Variants in NLGN1 observed in about 807,000 individuals in gnomAD.
NLGN1 encodes the protein neuroligin 1, also known as neuroligin-1.
In NLGN1, 12 loss-of-function variants were observed where a neutral mutation model predicts 65.5. The ratio of observed to expected loss-of-function variants is 0.18; its 90% CI spans 0.12 to 0.30. NLGN1 has a LOEUF of 0.30. Ranked by LOEUF, NLGN1 falls within the 10% of genes least tolerant of loss-of-function variation. NLGN1 has a pLI of 1.00. For missense variants in NLGN1, 750 were observed against 1,007.1 expected, an observed-to-expected ratio of 0.74 and a Z score of 3.46; for synonymous variants, 350 against 359.5, an observed-to-expected ratio of 0.97 and a Z score of 0.30.
At chr3:173,922,535 A>T (rs888756245) in intron 4 of NLGN1, among the ~76,000 whole-genome samples, 2 of 152,162 alleles carry the variant, frequency 1.3e-5, no homozygotes, top group Non-Finnish European at 2.9e-5. Context: ...TTATACTTTC[A>T]TAAAATTATT....
chr3:173,857,440 CT>C (rs1728213987), intron 4 of NLGN1, among the ~76,000 whole-genome samples: 1 of 152,130 alleles, frequency 6.6e-6, no homozygotes, highest in Admixed American at 6.6e-5. Context: ...TTATCACTTT[CT>C]TTTTTCAAAA....
At chr3:173,860,925 A>G (rs1427023226) in intron 4 of NLGN1, among the ~76,000 whole-genome samples, 1 of 152,216 alleles carries the variant, frequency 6.6e-6, no homozygotes, top group Non-Finnish European at 1.5e-5. Context: ...TGTGGGGGAC[A>G]GATGTATGAG....
chr3:173,425,918 T>A (rs1302886254), intron 1 of NLGN1, among the ~76,000 whole-genome samples: 1 of 152,180 alleles, frequency 6.6e-6, no homozygotes, highest in Non-Finnish European at 1.5e-5. Context: ...TAGATCACTT[T>A]GGGTAGTATG....
Position 174,280,588 on chromosome 3 carries a change from T to C in NLGN1, c.1757T>C (p.Leu586Pro). The C allele has an allele frequency of 6.2e-7, 1 of 1,613,146 alleles. No individual in the cohort carries two copies. The highest frequency in any genetic ancestry group is 8.5e-7 in the Non-Finnish European group (1 of 1,179,452). ...TATTCCCAGAAAGACCAACTTTATC[T>C]CCATATTGGATTAAAACCAAGAGTT... Residue 586 changes from leucine to proline, a missense_variant, in exon 7 of 7, where the codon CTC becomes CCC. Physicochemically the swap from Leu to Pro is moderately conservative, Grantham distance 98. Transcript: ENST00000457714. The surrounding 1 kb of genome is among the most constrained non-coding windows in gnomAD (Gnocchi z 4.9).
intron 2 of NLGN1, among the ~76,000 whole-genome samples, chr3:173,440,952 T>C (rs1241686448): frequency 6.6e-6 from 1 of 152,188 alleles, no homozygotes. Context: ...CATTGAAAAT[T>C]TGTTGCTTTC....
chr3:173,497,559 T>G (rs905284384), intron 2 of NLGN1, among the ~76,000 whole-genome samples: 3 of 151,800 alleles, frequency 2.0e-5, no homozygotes, highest in Non-Finnish European at 4.4e-5. Context: ...CATAGCATAA[T>G]TTTAAGAGCA....
chr3:174,055,435 C>T (rs1325082176), intron 4 of NLGN1, among the ~76,000 whole-genome samples: 1 of 151,912 alleles, frequency 6.6e-6, no homozygotes, highest in South Asian at 2.1e-4. Context: ...AAAAGGGCAC[C>T]GAATTGTGAT....
At chr3:173,942,178 TATATATATATACACATGTGC>T (rs1746267478) in intron 4 of NLGN1, among the ~76,000 whole-genome samples, 1 of 149,472 alleles carries the variant, frequency 6.7e-6, no homozygotes, top group Non-Finnish European at 1.5e-5. Context: ...ATAATATGTG[TATATATATATACACATGTGC>T]ATATATACAT....
At chr3:174,283,569 T>C (rs1751783784) in exon 7 of NLGN1, 1 of 151,438 alleles carries the variant, frequency 6.6e-6, no homozygotes, top group Non-Finnish European at 1.5e-5. Context: ...AAAGTTGCCA[T>C]GCTAAGAGAA....
chr3:173,782,243 TACA>T (rs1781291565), intron 3 of NLGN1, among the ~76,000 whole-genome samples: 1 of 152,078 alleles, frequency 6.6e-6, no homozygotes, highest in Non-Finnish European at 1.5e-5. Context: ...ACATAATACA[TACA>T]ACACCTCACA....
At chr3:173,738,574 T>C (rs1774134272) in intron 3 of NLGN1, among the ~76,000 whole-genome samples, 1 of 152,142 alleles carries the variant, frequency 6.6e-6, no homozygotes, top group African/African-American at 2.4e-5. Context: ...GTATTTCTAG[T>C]TTCTTGATTC....
chr3:173,581,981 C>G (rs929485385), intron 2 of NLGN1, among the ~76,000 whole-genome samples: 44 of 151,862 alleles, frequency 2.9e-4, no homozygotes, highest in African/African-American at 9.2e-4. Flanking sequence ...TAACCTCTAC[C>G]CTGAATATCA....
rs763264352 is a variant in NLGN1 at position 173,604,554 on chromosome 3, G to A, written c.-45G>A. 20 of 1,596,476 alleles carry A rather than the reference G, an allele frequency of 1.3e-5. No individual in the cohort carries two copies. The East Asian group carries it at 1.6e-4, about 13-fold the overall frequency. ...GTCTTTCTCAAGTGGATATAAATAC[G>A]TTTGCCTCACTGTAACCAGACAACT... is the stretch of plus-strand genomic sequence containing the variant. On this transcript the variant is annotated 5_prime_UTR_variant, in exon 3 of 7. Coordinates refer to ENST00000457714, the Ensembl canonical transcript of NLGN1.
chr3:174,060,706 T>A (rs558432889), intron 4 of NLGN1, among the ~76,000 whole-genome samples: 1 of 152,082 alleles, frequency 6.6e-6, no homozygotes, highest in Non-Finnish European at 1.5e-5. Flanking sequence ...CCTCAACTTA[T>A]GTTACAATGA....
intron 2 of NLGN1, among the ~76,000 whole-genome samples, chr3:173,589,916 T>C (rs1748176072): frequency 6.6e-6 from 1 of 152,210 alleles, no homozygotes; most frequent in African/African-American, 2.4e-5. Context: ...TACTCTCATA[T>C]TGTCATATGG....
chr3:174,283,288 C>T (rs1436625764), exon 7 of NLGN1: 1 of 151,206 alleles, frequency 6.6e-6, no homozygotes, highest in Non-Finnish European at 1.5e-5. Context: ...TAAGATGAAA[C>T]TCATAAAAAT....
At chr3:173,964,928 G>C (rs910295650) in intron 4 of NLGN1, among the ~76,000 whole-genome samples, 17 of 152,184 alleles carry the variant, frequency 1.1e-4, no homozygotes, top group African/African-American at 3.6e-4. Flanking sequence ...TAGCTGTTCA[G>C]ATATGAGATC....
intron 2 of NLGN1, among the ~76,000 whole-genome samples, chr3:173,522,196 G>T (rs1394326055): frequency 6.6e-6 from 1 of 152,274 alleles, no homozygotes; most frequent in East Asian, 1.9e-4. Flanking sequence ...ATGAGAACAT[G>T]CGTTATACAT....
intron 2 of NLGN1, among the ~76,000 whole-genome samples, chr3:173,514,419 T>C (rs1391913685): frequency 6.6e-6 from 1 of 152,052 alleles, no homozygotes; most frequent in Non-Finnish European, 1.5e-5. Flanking sequence ...CCAAAGTCCA[T>C]TATATCATTC....
Sources: allele counts gnomAD v4.1 joint callset (sites outside exome capture counted in the v4.1 genomes callset), GRCh38; gene constraint gnomAD v4.1.1; non-coding constraint Gnocchi (gnomAD v3.1); transcripts MANE v1.5; gene names NCBI Gene and HGNC (gene_info 2026-07-23, HGNC 2026-07-21).